The following MAN1C1 variants were observed in gnomAD, a reference collection of about 807,000 sequenced individuals.
MAN1C1 encodes the protein mannosyl-oligosaccharide 1,2-alpha-mannosidase IC.
Under a neutral mutation model 71.5 loss-of-function variants are expected in MAN1C1, and 49 were observed. The ratio of observed to expected loss-of-function variants is 0.69; its 90% CI spans 0.54 to 0.87. The LOEUF is 0.87. Among genes scored for constraint, MAN1C1 ranks in the 40% least tolerant of loss-of-function variants. The pLI, the probability that MAN1C1 is intolerant of heterozygous loss-of-function variation, is 0.00. For missense variants in MAN1C1, 743 were observed against 835.0 expected (o/e 0.89, Z 1.36); for synonymous variants, 352 against 343.7 (o/e 1.02, Z -0.27).
chr1:25,690,423 G>A (rs1159128147), intron 2 of MAN1C1, among the ~76,000 whole-genome samples: 1 of 151,904 alleles, frequency 6.6e-6, no homozygotes, highest in Admixed American at 6.6e-5. Context: ...CTCCTGAGTA[G>A]CTGGGATTAG....
chr1:25,687,391 C>T (rs1250404485), intron 2 of MAN1C1, among the ~76,000 whole-genome samples: 2 of 152,140 alleles, frequency 1.3e-5, no homozygotes, highest in Non-Finnish European at 2.9e-5. Context: ...AACAGTAACA[C>T]CCATGCAAGT....
chr1:25,702,511 C>T (rs766332516), intron 2 of MAN1C1, among the ~76,000 whole-genome samples: 7 of 152,150 alleles, frequency 4.6e-5, no homozygotes, highest in Non-Finnish European at 1.0e-4. Context: ...GTCTACAGCT[C>T]AACTCACTGA....
At chr1:25,756,654 T>C (rs2047290223) in intron 5 of MAN1C1, among the ~76,000 whole-genome samples, 1 of 152,042 alleles carries the variant, frequency 6.6e-6, no homozygotes, top group Non-Finnish European at 1.5e-5. Context: ...CCTCTCTCTT[T>C]CCCTCTGGGT....
intron 2 of MAN1C1, among the ~76,000 whole-genome samples, chr1:25,708,332 T>C (rs2046554155): frequency 1.3e-5 from 2 of 152,176 alleles, no homozygotes; most frequent in African/African-American, 2.4e-5. Flanking sequence ...ATGGCGCTGG[T>C]GGGAGTGCCT....
chr1:25,618,095 G>A lies in MAN1C1; in HGVS notation c.298G>A (p.Ala100Thr). ...GGGCGAGGATGACCCCAGCAGCTGGGCCAGTCCCCGCCGCAGGAAAGGGGG... is the reference window on the plus strand; with the variant it reads ...GGGCGAGGATGACCCCAGCAGCTGGACCAGTCCCCGCCGCAGGAAAGGGGG... ...APGEDDPSSW[A>T]SPRRRKGGLR... The change falls in exon 1 of 12, where the codon GCC becomes ACC. Residue 100 changes from alanine (A) to threonine (T), a missense_variant. Transcript: ENST00000374332. 1 of 1,510,980 alleles carries A rather than the reference G, an allele frequency of 6.6e-7. No individual in the cohort carries two copies. The highest frequency in any genetic ancestry group is 8.8e-7 in the Non-Finnish European group (1 of 1,137,760). The allele number at this position is 1,510,980 out of a possible 1,614,324, so 93.6% of individuals were successfully genotyped here.
chr1:25,762,850 T>A (rs1243087081), intron 6 of MAN1C1, among the ~76,000 whole-genome samples: 1 of 152,238 alleles, frequency 6.6e-6, no homozygotes, highest in Admixed American at 6.5e-5. Flanking sequence ...CATACTGATG[T>A]CATTTCCTTT....
At chr1:25,742,784 A>G (rs1227648655) in intron 2 of MAN1C1, among the ~76,000 whole-genome samples, 1 of 152,174 alleles carries the variant, frequency 6.6e-6, no homozygotes, top group Non-Finnish European at 1.5e-5. Context: ...TCTCCCTGAC[A>G]CCAAAGCCAG....
At chr1:25,698,044 T>G (rs1481869815) in intron 2 of MAN1C1, among the ~76,000 whole-genome samples, 1 of 152,176 alleles carries the variant, frequency 6.6e-6, no homozygotes, top group African/African-American at 2.4e-5. Context: ...CTTCCTGCCT[T>G]CACTTACGGG....
chr1:25,646,782 G>A (rs1297320156), intron 1 of MAN1C1, among the ~76,000 whole-genome samples: 2 of 152,224 alleles, frequency 1.3e-5, no homozygotes, highest in Non-Finnish European at 2.9e-5. Flanking sequence ...AAATCCCATT[G>A]TATGGGTAGA....
intron 2 of MAN1C1, among the ~76,000 whole-genome samples, chr1:25,696,706 G>A (rs2046374556): frequency 1.3e-5 from 2 of 152,016 alleles, no homozygotes; most frequent in Non-Finnish European, 2.9e-5. Context: ...GAGTGCAGTG[G>A]TGTGACCATA....
intron 1 of MAN1C1, among the ~76,000 whole-genome samples, chr1:25,636,594 G>C (rs944910813): frequency 1.3e-5 from 2 of 152,270 alleles, no homozygotes; most frequent in Middle Eastern, 3.4e-3. Flanking sequence ...CTGTTACTCT[G>C]TTCTTTTTCA....
chr1:25,714,224 G>C (rs1448076962), intron 2 of MAN1C1, among the ~76,000 whole-genome samples: 1 of 152,124 alleles, frequency 6.6e-6, no homozygotes, highest in Non-Finnish European at 1.5e-5. Context: ...CCATTCCCAG[G>C]GTAAATGGTC....
intron 2 of MAN1C1, among the ~76,000 whole-genome samples, chr1:25,736,621 G>A (rs760985497): frequency 6.6e-6 from 1 of 152,110 alleles, no homozygotes; most frequent in Non-Finnish European, 1.5e-5. Flanking sequence ...CTACCTCCTG[G>A]GCTCAAGCAA....
chr1:25,656,288 G>A (rs2045766025), intron 1 of MAN1C1, among the ~76,000 whole-genome samples: 1 of 151,488 alleles, frequency 6.6e-6, no homozygotes. Flanking sequence ...AATAGAGACG[G>A]GGTTTTACCA....
At chr1:25,781,622 G>C (rs2047696066) in intron 10 of MAN1C1, among the ~76,000 whole-genome samples, 1 of 152,178 alleles carries the variant, frequency 6.6e-6, no homozygotes, top group South Asian at 2.1e-4. Flanking sequence ...GCTGTCTTGG[G>C]GGAGGTGTCA....
intron 1 of MAN1C1, among the ~76,000 whole-genome samples, chr1:25,676,410 C>T (rs1355051830): frequency 1.3e-5 from 2 of 152,170 alleles, no homozygotes; most frequent in East Asian, 3.8e-4. Flanking sequence ...TGTGTATTTG[C>T]AGGAGCCTCA....
intron 1 of MAN1C1, among the ~76,000 whole-genome samples, chr1:25,628,986 A>G (rs571276279): frequency 1.3e-5 from 2 of 151,588 alleles, no homozygotes; most frequent in Non-Finnish European, 2.9e-5. Flanking sequence ...TTCTTTATCC[A>G]CTCGTTGGCC....
intron 1 of MAN1C1, among the ~76,000 whole-genome samples, chr1:25,684,022 TG>T (rs1407523685): frequency 2.0e-5 from 3 of 152,334 alleles, no homozygotes; most frequent in South Asian, 4.1e-4. Flanking sequence ...ACAGCTTCTT[TG>T]AGACCACGTA....
In MAN1C1 at chr1:25,621,472, C is replaced by T. The variant is rs557158397; in HGVS notation, c.540+3135C>T. Among the ~76,000 whole-genome samples the T allele has an allele frequency of 7.2e-5, 11 of 152,138 alleles. No individual in the cohort carries two copies. The South Asian group carries it at 1.9e-3, about 26-fold the overall frequency. On this transcript the variant is annotated intron_variant, in intron 1 of 11. Transcript: ENST00000374332. ...GGAAATGGGGGATGTCATTCATAGG[C>T]GGGTTTCTTATGGATTCAAGTTCAA...
Sources: gnomAD v4.1 joint callset for allele counts (sites outside exome capture counted in the v4.1 genomes callset) on GRCh38, gnomAD v4.1.1 for gene constraint, MANE v1.5 for transcripts, NCBI Gene and HGNC (gene_info 2026-07-23, HGNC 2026-07-21) for gene names.